KCNMA1: variants seen among roughly 807,000 people sequenced by gnomAD.
KCNMA1 encodes the protein potassium calcium-activated channel subfamily M alpha 1, also known as Calcium-activated potassium channel subunit alpha-1.
Under a neutral mutation model 140.0 loss-of-function variants are expected in KCNMA1, and 29 were observed. The observed-to-expected ratio is 0.21, with a 90% confidence interval of 0.15 to 0.28. The LOEUF (loss-of-function observed/expected upper bound fraction) is 0.28. KCNMA1 is among the 10% of genes least tolerant of loss of function. The pLI, the probability that KCNMA1 is intolerant of heterozygous loss-of-function variation, is 1.00. For synonymous variants in KCNMA1, 612 were observed against 611.9 expected (o/e 1.00, Z 0.00); for missense variants, 880 against 1,602.2 (o/e 0.55, Z 7.70).
intron 25 of KCNMA1, among the ~76,000 whole-genome samples, chr10:76,894,992 A>C (rs978326560): frequency 1.3e-5 from 2 of 152,242 alleles, no homozygotes; most frequent in Non-Finnish European, 1.5e-5. Context: ...CCACAAGCAG[A>C]TAGCCCGGTG....
chr10:77,136,160 G>C (rs1375396928), intron 5 of KCNMA1, among the ~76,000 whole-genome samples: 1 of 152,084 alleles, frequency 6.6e-6, no homozygotes, highest in African/African-American at 2.4e-5. Flanking sequence ...TATAGCCTAA[G>C]AAAATATAAC....
chr10:76,898,254 T>G (rs571029979), intron 25 of KCNMA1, among the ~76,000 whole-genome samples: 5 of 152,002 alleles, frequency 3.3e-5, no homozygotes, highest in Admixed American at 3.3e-4. Flanking sequence ...TAAACTATTA[T>G]GTTAGATAAG....
At chr10:77,308,111 T>C (rs1372918765) in intron 2 of KCNMA1, among the ~76,000 whole-genome samples, 2 of 152,092 alleles carry the variant, frequency 1.3e-5, no homozygotes, top group Non-Finnish European at 2.9e-5. Flanking sequence ...AAGAAGTGAA[T>C]TGACTGGGCC....
At chr10:77,157,141 T>G (rs2098496470) in intron 5 of KCNMA1, among the ~76,000 whole-genome samples, 1 of 152,190 alleles carries the variant, frequency 6.6e-6, no homozygotes, top group African/African-American at 2.4e-5. Context: ...AACAGTTTTA[T>G]TTTTTAAAAA....
intron 1 of KCNMA1, among the ~76,000 whole-genome samples, chr10:77,605,299 G>A (rs1445317817): frequency 6.6e-6 from 1 of 152,232 alleles, no homozygotes; most frequent in Non-Finnish European, 1.5e-5. Context: ...AGCTGGCATG[G>A]TGCCTGCAGC....
At chr10:77,336,516 C>T (rs2089092322) in intron 2 of KCNMA1, among the ~76,000 whole-genome samples, 1 of 151,464 alleles carries the variant, frequency 6.6e-6, no homozygotes, top group Non-Finnish European at 1.5e-5. Flanking sequence ...TCTTGCCTGA[C>T]AGTATTTAAA....
At chr10:77,069,823 CT>C (rs552135880) in intron 14 of KCNMA1, among the ~76,000 whole-genome samples, 1 of 151,860 alleles carries the variant, frequency 6.6e-6, no homozygotes, top group African/African-American at 2.4e-5. Flanking sequence ...CTTTTTCTTT[CT>C]TTTTTGGAGA....
intron 2 of KCNMA1, among the ~76,000 whole-genome samples, chr10:77,397,990 T>C (rs2096119798): frequency 6.6e-6 from 1 of 151,844 alleles, no homozygotes; most frequent in Non-Finnish European, 1.5e-5. Flanking sequence ...TGTGTGTTTG[T>C]ATATATATAA....
intron 19 of KCNMA1, among the ~76,000 whole-genome samples, chr10:76,992,725 G>A (rs1015786558): frequency 2.6e-5 from 4 of 152,124 alleles, no homozygotes; most frequent in African/African-American, 9.7e-5. Flanking sequence ...CCACAATCAC[G>A]GATGCTGACA....
rs111910920 is a variant in KCNMA1, at chr10:77,160,195, C to T, written c.808+23226G>A. Among the ~76,000 whole-genome samples the T allele has an allele frequency of 7.2e-3, 1,102 of 152,264 alleles. 10 individuals carry two copies. The highest frequency in any genetic ancestry group is 8.9e-3 in the Non-Finnish European group (605 of 68,016). ...AAATCCACTCCAGTTACTATAACCA[C>T]GCACTGAGGATCCCTCAGCTGCCTC... On this transcript the variant is annotated intron_variant, in intron 5 of 27. Transcript: ENST00000286628.
At chr10:76,979,937 T>C (rs2078915040) in intron 19 of KCNMA1, 1 of 152,244 alleles carries the variant, frequency 6.6e-6, no homozygotes, top group East Asian at 1.9e-4. Context: ...GTGTGGATTA[T>C]GACTTTACAC....
chr10:77,065,493 T>C (rs1442583874), intron 14 of KCNMA1, among the ~76,000 whole-genome samples: 2 of 152,184 alleles, frequency 1.3e-5, no homozygotes, highest in Non-Finnish European at 2.9e-5. Context: ...TCTTCCTGAT[T>C]TTCCTGTATT....
chr10:77,432,468 G>A (rs2097174362), intron 1 of KCNMA1, among the ~76,000 whole-genome samples: 2 of 152,192 alleles, frequency 1.3e-5, no homozygotes, highest in African/African-American at 2.4e-5. Context: ...AGAAGCAGAA[G>A]CCTGAAGATG....
chr10:76,968,490 T>A (rs1032910677), intron 20 of KCNMA1, among the ~76,000 whole-genome samples: 2 of 152,238 alleles, frequency 1.3e-5, no homozygotes, highest in East Asian at 3.8e-4. Flanking sequence ...TCTCTTTATT[T>A]ATTTATTTGC....
At chr10:76,936,873 C>G (rs2060700111) in intron 23 of KCNMA1, among the ~76,000 whole-genome samples, 1 of 152,190 alleles carries the variant, frequency 6.6e-6, no homozygotes, top group Non-Finnish European at 1.5e-5. Flanking sequence ...AACACAAAGA[C>G]AGTGCCGTTC....
intron 1 of KCNMA1, among the ~76,000 whole-genome samples, chr10:77,542,220 TTTC>T (rs1250924482): frequency 6.6e-6 from 1 of 152,182 alleles, no homozygotes; most frequent in Non-Finnish European, 1.5e-5. Flanking sequence ...GAGAAATAAA[TTTC>T]TACTGTTTGC....
intron 2 of KCNMA1, among the ~76,000 whole-genome samples, chr10:77,305,719 A>T (rs1565865837): frequency 6.6e-6 from 1 of 152,192 alleles, no homozygotes; most frequent in Non-Finnish European, 1.5e-5. Context: ...TCCATAGGCT[A>T]CCTGTCATTC....
chr10:77,183,565 A>C (rs201695751), intron 4 of KCNMA1, 33 bp from the exon 5 acceptor site: 2 of 1,446,936 alleles, frequency 1.4e-6, no homozygotes, highest in Middle Eastern at 1.7e-4. Context: ...AAGAGAAAAA[A>C]CATGAGAAGC....
intron 2 of KCNMA1, among the ~76,000 whole-genome samples, chr10:77,265,702 TA>T (rs1167491305): frequency 6.6e-6 from 1 of 152,136 alleles, no homozygotes; most frequent in East Asian, 1.9e-4. Context: ...AAAGTTGAAA[TA>T]TCATCTCCAT....
Sources: gnomAD v4.1 joint callset for allele counts (sites outside exome capture counted in the v4.1 genomes callset) on GRCh38, gnomAD v4.1.1 for gene constraint, MANE v1.5 for transcripts, NCBI Gene and HGNC (gene_info 2026-07-23, HGNC 2026-07-21) for gene names.